Variants in SLC35F4 observed in about 807,000 individuals in gnomAD.
The protein encoded by SLC35F4 is solute carrier family 35 member F4.
Under a neutral mutation model 44.2 loss-of-function variants are expected in SLC35F4, and 24 were observed. The ratio of observed to expected loss-of-function variants is 0.54; its 90% CI spans 0.39 to 0.76. SLC35F4 has a LOEUF of 0.76. Among genes scored for constraint, SLC35F4 ranks in the 30% least tolerant of loss-of-function variants. SLC35F4 has a pLI of 0.00. For synonymous variants in SLC35F4, 238 were observed against 223.6 expected, an observed-to-expected ratio of 1.06 and a Z score of -0.57; for missense variants, 562 against 586.1, an observed-to-expected ratio of 0.96 and a Z score of 0.42.
At chr14:57,720,116 G>A (rs912210542) in intron 1 of SLC35F4, among the ~76,000 whole-genome samples, 3 of 152,112 alleles carry the variant, frequency 2.0e-5, no homozygotes, top group African/African-American at 7.2e-5. Context: ...CACATTGTTT[G>A]AGTTGCATAT....
At chr14:57,873,956 G>A (rs2141028545) in intron 1 of SLC35F4, among the ~76,000 whole-genome samples, 1 of 152,238 alleles carries the variant, frequency 6.6e-6, no homozygotes, top group South Asian at 2.1e-4. Context: ...TAATAAAACA[G>A]GGCTCCATGA....
chr14:57,902,304 C>CT (rs1318982340), intron 1 of SLC35F4, among the ~76,000 whole-genome samples: 1 of 152,166 alleles, frequency 6.6e-6, no homozygotes. Flanking sequence ...TGGCTCACGC[C>CT]TGTAATCCCA....
At chr14:57,736,110 A>C (rs538487625) in intron 1 of SLC35F4, among the ~76,000 whole-genome samples, 2 of 152,318 alleles carry the variant, frequency 1.3e-5, no homozygotes, top group African/African-American at 4.8e-5. Flanking sequence ...TTACCACAGA[A>C]GGTTTTAAAT....
At chr14:57,738,579 T>G (rs138074081) in intron 1 of SLC35F4, among the ~76,000 whole-genome samples, 4 of 151,950 alleles carry the variant, frequency 2.6e-5, no homozygotes, top group African/African-American at 9.6e-5. Context: ...CATGCAAAGA[T>G]GTTTAAGGGA....
chr14:57,699,357 T>C (rs2075472582), intron 1 of SLC35F4, among the ~76,000 whole-genome samples: 2 of 152,126 alleles, frequency 1.3e-5, no homozygotes, highest in Non-Finnish European at 2.9e-5. Flanking sequence ...CCCCAAGCTT[T>C]TATTTTAACA....
intron 1 of SLC35F4, among the ~76,000 whole-genome samples, chr14:57,966,331 T>C (rs1478191677): frequency 1.3e-5 from 2 of 152,236 alleles, no homozygotes; most frequent in Non-Finnish European, 1.5e-5. Context: ...TTCGGTTCTA[T>C]GTTCTGTAAT....
intron 1 of SLC35F4, among the ~76,000 whole-genome samples, chr14:57,792,115 A>T (rs530325049): frequency 3.6e-4 from 55 of 151,492 alleles, no homozygotes; most frequent in African/African-American, 9.4e-4. Flanking sequence ...AGTATAATTT[A>T]AAAAAAAAGG....
chr14:57,876,715 T>A (rs1888406973), intron 1 of SLC35F4, among the ~76,000 whole-genome samples: 1 of 152,206 alleles, frequency 6.6e-6, no homozygotes, highest in Admixed American at 6.5e-5. Flanking sequence ...TCTTAAATTT[T>A]CATAAATTTT....
intron 1 of SLC35F4, among the ~76,000 whole-genome samples, chr14:57,771,152 A>G (rs1190612374): frequency 1.3e-5 from 2 of 152,098 alleles, no homozygotes; most frequent in African/African-American, 4.8e-5. Flanking sequence ...ACTCTTCTAC[A>G]CCTCTAGTCC....
At chr14:57,630,523 C>T in intron 1 of SLC35F4, 1 of 1,128,984 alleles carries the variant, frequency 8.9e-7, no homozygotes, top group East Asian at 2.4e-5. Context: ...CTAGAGGCAC[C>T]TCAAAAATAG....
intron 1 of SLC35F4, among the ~76,000 whole-genome samples, chr14:57,956,950 A>C (rs1418381672): frequency 3.3e-5 from 5 of 152,234 alleles, no homozygotes; most frequent in Admixed American, 2.0e-4. Flanking sequence ...GTATATACCC[A>C]AAGGATTATA....
intron 1 of SLC35F4, among the ~76,000 whole-genome samples, chr14:57,852,304 T>A (rs1475685861): frequency 1.3e-5 from 2 of 152,112 alleles, no homozygotes; most frequent in Non-Finnish European, 2.9e-5. Context: ...AGCTTGTTCA[T>A]CATCTTAGAT....
intron 2 of SLC35F4, among the ~76,000 whole-genome samples, chr14:57,592,556 G>A (rs2070256264): frequency 6.6e-6 from 1 of 152,084 alleles, no homozygotes; most frequent in African/African-American, 2.4e-5. Flanking sequence ...GGAACATTTT[G>A]TTTTGCAAAC....
At chr14:57,647,371 T>C (rs1336672302) in intron 1 of SLC35F4, among the ~76,000 whole-genome samples, 1 of 152,178 alleles carries the variant, frequency 6.6e-6, no homozygotes, top group African/African-American at 2.4e-5. Flanking sequence ...CCTTTACCAT[T>C]ATGTGATGGC....
intron 1 of SLC35F4, among the ~76,000 whole-genome samples, chr14:57,604,616 A>G (rs1477959186): frequency 1.3e-5 from 2 of 152,196 alleles, no homozygotes; most frequent in Non-Finnish European, 2.9e-5. Context: ...TCTAAAATTT[A>G]TATGGAACCA....
chr14:57,789,517 C>G (rs1304108444), intron 1 of SLC35F4, among the ~76,000 whole-genome samples: 1 of 151,886 alleles, frequency 6.6e-6, no homozygotes, highest in Admixed American at 6.6e-5. Context: ...GCCTACCAAC[C>G]AAAAAAAGCC....
rs1242618054 is a variant in SLC35F4, at chr14:57,618,165, C to T, written c.104-24041G>A. Reference sequence around the variant, plus strand: ...TGAGTAAAACCAATTGATCACATGACAAGATTTTAAAATAAAATGTGAAAA... The same window carrying T: ...TGAGTAAAACCAATTGATCACATGATAAGATTTTAAAATAAAATGTGAAAA... On this transcript the variant is annotated intron_variant, in intron 1 of 7. Transcript: ENST00000556826. Among the ~76,000 whole-genome samples, 3 of 152,072 alleles carry T rather than the reference C, an allele frequency of 2.0e-5. No individual in the cohort carries two copies. The East Asian group carries it at 5.8e-4, about 29-fold the overall frequency.
chr14:57,830,061 A>C (rs1884192231), intron 1 of SLC35F4, among the ~76,000 whole-genome samples: 1 of 152,240 alleles, frequency 6.6e-6, no homozygotes, highest in South Asian at 2.1e-4. Context: ...AGTAGAAAAA[A>C]GTATATAATT....
At chr14:57,936,203 A>T (rs1325586484) in intron 1 of SLC35F4, among the ~76,000 whole-genome samples, 1 of 152,250 alleles carries the variant, frequency 6.6e-6, no homozygotes, top group Non-Finnish European at 1.5e-5. Context: ...AGCTTGAAGA[A>T]CATAATAATG....
Sources: allele counts gnomAD v4.1 joint callset (sites outside exome capture counted in the v4.1 genomes callset), GRCh38; gene constraint gnomAD v4.1.1; transcripts MANE v1.5; gene names NCBI Gene and HGNC (gene_info 2026-07-23, HGNC 2026-07-21).